LMO1: variants seen among roughly 807,000 people sequenced by gnomAD.
LMO1 encodes LIM domain only 1.
Under a neutral mutation model 18.0 loss-of-function variants are expected in LMO1, and 10 were observed. That is an observed-to-expected ratio of 0.55 (90% CI 0.34 to 0.94). The LOEUF (loss-of-function observed/expected upper bound fraction) is 0.94, where lower values mean the gene tolerates loss of function less well. Among genes scored for constraint, LMO1 ranks in the 40% least tolerant of loss-of-function variants. The pLI, the probability that LMO1 is intolerant of heterozygous loss-of-function variation, is 0.02. For synonymous variants in LMO1, 77 were observed against 77.9 expected, an observed-to-expected ratio of 0.99 and a Z score of 0.06; for missense variants, 183 against 205.7, an observed-to-expected ratio of 0.89 and a Z score of 0.68.
At chr11:8,224,787 A>T in intron 3 of LMO1, 66 bp from the exon 4 acceptor site, 1 of 1,031,528 alleles carries the variant, frequency 9.7e-7, no homozygotes, top group Non-Finnish European at 1.5e-6. Context: ...GGGGCTGCAG[A>T]CAGAAGCCGG....
chr11:8,246,538 T>G (rs1846897287), intron 1 of LMO1, among the ~76,000 whole-genome samples: 1 of 152,140 alleles, frequency 6.6e-6, no homozygotes, highest in Non-Finnish European at 1.5e-5. Context: ...GAGGGAGGAA[T>G]GGGGAGTGAC....
chr11:8,237,998 C>T (rs1251532111), intron 1 of LMO1, among the ~76,000 whole-genome samples: 2 of 152,204 alleles, frequency 1.3e-5, no homozygotes, highest in Non-Finnish European at 2.9e-5. Context: ...GGCATAGTAG[C>T]ATAAAGCAAT....
intron 1 of LMO1, among the ~76,000 whole-genome samples, chr11:8,242,088 T>C (rs2134551574): frequency 6.6e-6 from 1 of 152,268 alleles, no homozygotes; most frequent in East Asian, 1.9e-4. Flanking sequence ...ACCCCCTAGG[T>C]ACCTGTAGCT....
chr11:8,263,570 G>A lies in LMO1; in HGVS notation c.-208C>T. Reference sequence around the variant, plus strand: ...TACAAAAGCAGTCTCACCTACTTTTGTGCCTCAGAATTGGAAGGAACTACG... The same window carrying A: ...TACAAAAGCAGTCTCACCTACTTTTATGCCTCAGAATTGGAAGGAACTACG... On this transcript the variant is annotated 5_prime_UTR_variant, in exon 1 of 4. Transcript: ENST00000335790. 1 of 1,372,568 alleles carries A rather than the reference G, an allele frequency of 7.3e-7. No homozygotes were observed. The highest frequency in any genetic ancestry group is 9.4e-7 in the Non-Finnish European group (1 of 1,066,566). The allele number at this position is 1,372,568 out of a possible 1,614,324, so 85.0% of individuals were successfully genotyped here. A position where few individuals can be genotyped will look rare whatever the true frequency, so the allele number is the denominator to read the frequency against.
At chr11:8,235,998 A>G (rs940609634) in intron 1 of LMO1, among the ~76,000 whole-genome samples, 2 of 152,214 alleles carry the variant, frequency 1.3e-5, no homozygotes. Flanking sequence ...GGCACTGGCC[A>G]TAGTCCAGCT....
At chr11:8,268,343 G>A (rs1160519803), upstream of LMO1, 2 of 1,227,234 alleles carry the variant, frequency 1.6e-6, no homozygotes, top group Non-Finnish European at 1.1e-6. Flanking sequence ...CGCTAGCGGG[G>A]TGGACTCCGC....
At chr11:8,231,505 G>C (rs1339745204) in intron 1 of LMO1, among the ~76,000 whole-genome samples, 1 of 152,218 alleles carries the variant, frequency 6.6e-6, no homozygotes. Flanking sequence ...ACATCCATGT[G>C]GACCCGTGAG....
intron 1 of LMO1, among the ~76,000 whole-genome samples, chr11:8,258,694 G>A (rs1025791548): frequency 3.9e-5 from 6 of 152,218 alleles, no homozygotes; most frequent in Non-Finnish European, 8.8e-5. Flanking sequence ...ACACAGGGTG[G>A]GGGTAAGGAA....
At chr11:8,263,306 G>A (rs1235667733) in intron 1 of LMO1, 32 bp downstream of exon 1, 4 of 1,591,970 alleles carry the variant, frequency 2.5e-6, no homozygotes. Flanking sequence ...GCGAGGGGGT[G>A]AGGGGCGTCG....
At chr11:8,268,386 C>T (rs1258446767), upstream of LMO1, 3 of 1,461,736 alleles carry the variant, frequency 2.1e-6, no homozygotes, top group African/African-American at 2.9e-5. Flanking sequence ...CCCCACGTCC[C>T]GCGTGCCCCC....
intron 2 of LMO1, 51 bp from the exon 3 acceptor site, chr11:8,227,151 G>C: frequency 6.3e-7 from 1 of 1,582,196 alleles, no homozygotes; most frequent in South Asian, 1.1e-5. Flanking sequence ...GAAGCTGGGT[G>C]GGCAGGGGGA....
chr11:8,241,884 C>T (rs1201644521), intron 1 of LMO1, among the ~76,000 whole-genome samples: 1 of 152,138 alleles, frequency 6.6e-6, no homozygotes. Context: ...ATGCCTTGTC[C>T]ACTATTGTGT....
upstream of LMO1, chr11:8,268,356 G>A (rs1847282168): frequency 1.5e-6 from 2 of 1,364,412 alleles, no homozygotes; most frequent in African/African-American, 1.5e-5. Flanking sequence ...GACTCCGCAG[G>A]GCCAGCGCCG....
At chr11:8,265,501 T>A (rs1847252175), upstream of LMO1, among the ~76,000 whole-genome samples, 1 of 152,206 alleles carries the variant, frequency 6.6e-6, no homozygotes, top group Non-Finnish European at 1.5e-5. Flanking sequence ...AGATGCCTCA[T>A]CTGCAGCTCA....
At chr11:8,246,044 G>C (rs1171948700) in intron 1 of LMO1, among the ~76,000 whole-genome samples, 1 of 152,156 alleles carries the variant, frequency 6.6e-6, no homozygotes, top group Non-Finnish European at 1.5e-5. Context: ...CAAGCGGATA[G>C]TGCTAAGCCA....
chr11:8,245,889 C>A (rs949263127), intron 1 of LMO1, among the ~76,000 whole-genome samples: 1 of 152,110 alleles, frequency 6.6e-6, no homozygotes, highest in Non-Finnish European at 1.5e-5. Context: ...CCTGGTGAGT[C>A]CTCAGGAAGC....
chr11:8,226,821 T>C, intron 3 of LMO1, 154 bp downstream of exon 3: 1 of 1,365,604 alleles, frequency 7.3e-7, no homozygotes, highest in South Asian at 1.7e-5. Flanking sequence ...ATAAAACACA[T>C]AAAGCACATG....
chr11:8,264,517 T>C (rs1226882232), upstream of LMO1, among the ~76,000 whole-genome samples: 1 of 152,182 alleles, frequency 6.6e-6, no homozygotes, highest in Non-Finnish European at 1.5e-5. Flanking sequence ...ACAGTGCCCA[T>C]CTCTTCTCCT....
chr11:8,243,510 T>C (rs376813), intron 1 of LMO1, among the ~76,000 whole-genome samples: 146,631 of 152,256 alleles, frequency 0.96, 70,631 homozygotes, highest in East Asian at 1. Flanking sequence ...GGTCTGAAGC[T>C]CCCAAGTGCA....
Sources: gnomAD v4.1 joint callset for allele counts (sites outside exome capture counted in the v4.1 genomes callset) on GRCh38, gnomAD v4.1.1 for gene constraint, MANE v1.5 for transcripts, NCBI Gene and HGNC (gene_info 2026-07-23, HGNC 2026-07-21) for gene names.